Variants in AMPD3 observed in about 807,000 individuals in gnomAD.
AMPD3 encodes adenosine monophosphate deaminase 3.
Under a neutral mutation model 82.3 loss-of-function variants are expected in AMPD3, and 57 were observed. The ratio of observed to expected loss-of-function variants is 0.69; its 90% CI spans 0.56 to 0.86. The LOEUF (loss-of-function observed/expected upper bound fraction) is 0.86, where lower values mean the gene tolerates loss of function less well. Ranked by LOEUF, AMPD3 falls within the 40% of genes least tolerant of loss-of-function variation. The pLI is 0.00. For synonymous variants in AMPD3, 381 were observed against 394.7 expected, an observed-to-expected ratio of 0.97 and a Z score of 0.41; for missense variants, 870 against 1,003.8, an observed-to-expected ratio of 0.87 and a Z score of 1.80.
intron 2 of AMPD3, among the ~76,000 whole-genome samples, chr11:10,469,328 C>T (rs1257995836): frequency 6.6e-6 from 1 of 152,050 alleles, no homozygotes; most frequent in African/African-American, 2.4e-5. Context: ...CCACTGATCC[C>T]ACAGAAATAC....
intron 7 of AMPD3, chr11:10,494,388 G>T: frequency 4.4e-6 from 1 of 224,852 alleles, no homozygotes; most frequent in Non-Finnish European, 7.4e-6. Context: ...TGATAAAAAA[G>T]TTCTGGAAAT....
Position 10,506,207 on chromosome 11 carries a change from C to A in AMPD3, c.*323C>A, listed in dbSNP as rs1028142153. 15 of 367,484 alleles carry A rather than the reference C, an allele frequency of 4.1e-5. No homozygotes were observed. The highest frequency in any genetic ancestry group is 7.7e-5 in the Non-Finnish European group (15 of 193,924). 22.8% of individuals were successfully genotyped at this position (367,484 alleles called of 1,614,324 possible). A position where few individuals can be genotyped will look rare whatever the true frequency, so the allele number is the denominator to read the frequency against. On this transcript the variant is annotated 3_prime_UTR_variant, in exon 15 of 15. Coordinates refer to ENST00000396553, the MANE Select transcript of AMPD3 (RefSeq NM_001025389.2). The surrounding 1 kb of genome is among the most constrained non-coding windows in gnomAD (Gnocchi z 4.1). ...GGCCAGGATTTTCCCTGGTCAGATG[C>A]CAAGTAACATGTGGTTTTCTGCCAT...
chr11:10,478,330 C>T, intron 2 of AMPD3, 196 bp from the exon 3 acceptor site: 1 of 985,424 alleles, frequency 1.0e-6, no homozygotes, highest in South Asian at 4.7e-5. Flanking sequence ...GTAGGGGTGT[C>T]TGGAGGGCCG....
chr11:10,496,833 G>A lies in AMPD3; in HGVS notation c.1452G>A (p.Lys484=), dbSNP rs371018918. Residue 484 remains lysine (K), a synonymous_variant, in exon 10 of 15, where the codon AAG becomes AAA. Transcript: ENST00000396553. ...CCAGTGACATATTTAGGTCAAAGAA[G>A]CTGCTGCCAAACTTTGGGAAGATGC... is the stretch of plus-strand genomic sequence containing the variant. ...PRIYDIFRSK[K]LLPNFGKMLE... 8.7e-6 allele frequency: 14 copies of A among 1,614,066 alleles called. No homozygotes were observed. Among genetic ancestry groups the A allele is most frequent in the Non-Finnish European group, 1.2e-5 (14 of 1,180,028 alleles).
At chr11:10,486,388 C>T (rs989685330) in intron 5 of AMPD3, among the ~76,000 whole-genome samples, 5 of 152,074 alleles carry the variant, frequency 3.3e-5, no homozygotes, top group African/African-American at 7.2e-5. Context: ...GAATTGTGGT[C>T]GAAGGTTCCA....
chr11:10,498,711 C>A (rs1849492017), intron 10 of AMPD3, among the ~76,000 whole-genome samples: 1 of 152,232 alleles, frequency 6.6e-6, no homozygotes, highest in Non-Finnish European at 1.5e-5. Context: ...CAGGAGAGGC[C>A]AGCAGACCTG....
In AMPD3 at chr11:10,493,215, A is replaced by T. The variant is rs986567284; in HGVS notation, c.940-134A>T. ...GTCTGGAGGAGAAATGGGGGGTGGG[A>T]TCCAGACACTGGTGGGGCTGCCCGG... On this transcript the variant is annotated intron_variant, in intron 6 of 14. Transcript: ENST00000396553. 4 of 1,012,144 alleles carry T rather than the reference A, an allele frequency of 4.0e-6. No individual in the cohort carries two copies. In the African/African-American group the frequency reaches 6.3e-5, roughly 16 times the overall value. The allele number at this position is 1,012,144 out of a possible 1,614,324, so 62.7% of individuals were successfully genotyped here.
At chr11:10,473,335 A>T in intron 2 of AMPD3, 2 of 932,502 alleles carry the variant, frequency 2.1e-6, no homozygotes, top group Non-Finnish European at 2.6e-6. Context: ...AACAGATAGT[A>T]CAGATTGCAC....
Position 10,501,572 on chromosome 11 carries a change from C to T in AMPD3, c.1824C>T (p.His608=), listed in dbSNP as rs201980416. Residue 608 remains histidine, a synonymous_variant, in exon 12 of 15, where the codon CAC becomes CAT. Transcript: ENST00000396553. The part of the protein sequence containing the change: ...SAFLTADNIS[H]GLLLKKSPVL... ...TCCTCACTGCTGACAACATTTCCCA[C>T]GGGCTGCTCCTCAAGAAGGTAACCA... The T allele has an allele frequency of 6.1e-5, 99 of 1,614,198 alleles. No individual in the cohort carries two copies. Among genetic ancestry groups the T allele is most frequent in the East Asian group, 3.6e-4 (16 of 44,878 alleles).
chr11:10,478,442 T>G, intron 2 of AMPD3, 84 bp from the exon 3 acceptor site: 1 of 1,588,864 alleles, frequency 6.3e-7, no homozygotes, highest in South Asian at 1.1e-5. Flanking sequence ...AAAATTCTCC[T>G]GCCACGCACA....
chr11:10,456,371 A>T lies in AMPD3; in HGVS notation c.-6+923A>T. ...CACCCGGGTGCATCACTTGAGTGGC[A>T]TCTTCAGGACCAGTCATGGAGCCAG... On this transcript the variant is annotated intron_variant, in intron 1 of 14. Transcript: ENST00000396553. The surrounding 1 kb of genome is among the most constrained non-coding windows in gnomAD (Gnocchi z 4.3). 1 of 1,613,758 alleles carries T rather than the reference A, an allele frequency of 6.2e-7. No individual in the cohort carries two copies. Among genetic ancestry groups the T allele is most frequent in the Non-Finnish European group, 8.5e-7 (1 of 1,179,704 alleles).
In AMPD3 at chr11:10,491,138, C is replaced by T. The variant is rs567758549; in HGVS notation, c.940-2211C>T. On this transcript the variant is annotated intron_variant, in intron 6 of 14. Transcript: ENST00000396553. Reference sequence around the variant, plus strand: ...CCTCCTCACCCCAGCCCGGGCTGAGCGCCCAGTCGGCCGCAGCAGTAGCTC... The same window carrying T: ...CCTCCTCACCCCAGCCCGGGCTGAGTGCCCAGTCGGCCGCAGCAGTAGCTC... Among the ~76,000 whole-genome samples, 237 of 152,340 alleles carry T rather than the reference C, an allele frequency of 1.6e-3. 1 individual carries two copies. The highest frequency in any genetic ancestry group is 4.7e-3 in the African/African-American group (194 of 41,586).
chr11:10,488,026 C>A (rs1180424457), intron 6 of AMPD3, among the ~76,000 whole-genome samples: 1 of 151,954 alleles, frequency 6.6e-6, no homozygotes, highest in Non-Finnish European at 1.5e-5. Context: ...AAAAAAAGAT[C>A]TCTCTGGAGA....
chr11:10,497,810 G>A, intron 10 of AMPD3: 1 of 985,374 alleles, frequency 1.0e-6, no homozygotes, highest in Non-Finnish European at 1.2e-6. Context: ...ACTCGTGCGT[G>A]CTTCTGCCTG....
Position 10,505,711 on chromosome 11 carries a change from A to G in AMPD3, c.2131A>G (p.Lys711Glu). 1 of 1,613,692 alleles carries G rather than the reference A, an allele frequency of 6.2e-7. No homozygotes were observed. The highest frequency in any genetic ancestry group is 8.5e-7 in the Non-Finnish European group (1 of 1,180,030). ...VLQSGLSHQEKQKFLGQNYYK... is the reference protein window; with the variant it reads ...VLQSGLSHQEEQKFLGQNYYK... ...TTGTATTTCTCTTGGTCCACAGGAA[A>G]AGCAAAAGTTTCTGGGACAAAATTA... Residue 711 changes from lysine (K) to glutamate (E), a missense_variant, in exon 15 of 15, where the codon AAG becomes GAG. Lys to Glu is a moderately conservative substitution (Grantham distance 56). Coordinates refer to ENST00000396553, the MANE Select transcript of AMPD3 (RefSeq NM_001025389.2).
intron 2 of AMPD3, among the ~76,000 whole-genome samples, chr11:10,464,781 CTT>C (rs1444889641): frequency 6.6e-6 from 1 of 152,248 alleles, no homozygotes; most frequent in Non-Finnish European, 1.5e-5. Flanking sequence ...CCAGCTCCCT[CTT>C]TGTCTGTGGC....
chr11:10,482,453 G>A (rs1221856982), intron 4 of AMPD3, among the ~76,000 whole-genome samples: 3 of 152,204 alleles, frequency 2.0e-5, no homozygotes, highest in African/African-American at 7.2e-5. Context: ...ACAGAGATGT[G>A]AAAGACAGTC....
chr11:10,459,232 G>T (rs1408025979), intron 1 of AMPD3, among the ~76,000 whole-genome samples: 1 of 152,042 alleles, frequency 6.6e-6, no homozygotes, highest in African/African-American at 2.4e-5. Context: ...GCAGGTCCTT[G>T]GGTCTCAGAG....
At position 10,478,627 on chromosome 11, in the gene AMPD3, C is replaced by T. The variant is rs1848810891; in HGVS notation, c.323C>T (p.Pro108Leu). The T allele has an allele frequency of 1.9e-6, 3 of 1,614,244 alleles. No individual in the cohort carries two copies. The highest frequency in any genetic ancestry group is 2.5e-6 in the Non-Finnish European group (3 of 1,180,044). ...GPPAASPAMS[P>L]TTPVVTGATS... ...CCGGCAGCCAGTCCGGCCATGTCTC[C>T]CACAACCCCTGTGGTCACTGGAGCC... The change falls in exon 3 of 15, where the codon CCC becomes CTC. Residue 108 changes from proline to leucine, a missense_variant. Physicochemically the swap from Pro to Leu is moderately conservative, Grantham distance 98 (BLOSUM62 -3). Transcript: ENST00000396553.
Sources: gnomAD v4.1 joint callset for allele counts (sites outside exome capture counted in the v4.1 genomes callset) on GRCh38, gnomAD v4.1.1 for gene constraint, Gnocchi (gnomAD v3.1) non-coding constraint, MANE v1.5 for transcripts, NCBI Gene and HGNC (gene_info 2026-07-23, HGNC 2026-07-21) for gene names.